Variants in TRIM2 observed in about 807,000 individuals in gnomAD.
TRIM2 encodes the protein tripartite motif-containing protein 2.
Under a neutral mutation model 75.2 loss-of-function variants are expected in TRIM2, and 20 were observed. The observed-to-expected ratio is 0.27, with a 90% CI of 0.19 to 0.39. TRIM2 has a LOEUF of 0.39. Ranked by LOEUF, TRIM2 falls within the 10% of genes least tolerant of loss-of-function variation. TRIM2 has a pLI of 1.00. For synonymous variants in TRIM2, 373 were observed against 388.3 expected (o/e 0.96, Z 0.46); for missense variants, 660 against 990.8 (o/e 0.67, Z 4.48).
chr4:153,254,809 T>C (rs1417528026), intron 1 of TRIM2, among the ~76,000 whole-genome samples: 1 of 152,258 alleles, frequency 6.6e-6, no homozygotes. Flanking sequence ...TAAGCCATTG[T>C]GGTGAGGGTG....
intron 3 of TRIM2, among the ~76,000 whole-genome samples, chr4:153,276,481 GTTAA>G (rs1216497860): frequency 2.0e-5 from 3 of 152,190 alleles, no homozygotes; most frequent in African/African-American, 4.8e-5. Flanking sequence ...TTATTAAAAT[GTTAA>G]TTAGAGTTCT....
At chr4:153,188,928 C>T (rs1219126229) in intron 1 of TRIM2, among the ~76,000 whole-genome samples, 1 of 152,028 alleles carries the variant, frequency 6.6e-6, no homozygotes, top group Non-Finnish European at 1.5e-5. Flanking sequence ...ATAACCTGGC[C>T]CCTGCTTACC....
rs527496946 is a variant in TRIM2, at chr4:153,240,582, C to T, written c.31-29753C>T. ...ATTATCAGTAGAAGGTTACTACCTA[C>T]GCTTCTAGGGCTCTCCAGATTTTAA... On this transcript the variant is annotated intron_variant, in intron 1 of 11. Transcript: ENST00000338700. Among the ~76,000 whole-genome samples, 373 of 152,304 alleles carry T rather than the reference C, an allele frequency of 2.4e-3. 3 individuals are homozygous for T. The highest frequency in any genetic ancestry group is 8.7e-3 in the African/African-American group (363 of 41,560).
At chr4:153,182,953 G>C (rs58163800) in intron 1 of TRIM2, among the ~76,000 whole-genome samples, 1 of 151,974 alleles carries the variant, frequency 6.6e-6, no homozygotes, top group Non-Finnish European at 1.5e-5. Context: ...GACCTTATTT[G>C]TTTATTGTCT....
chr4:153,269,204 C>A (rs1388982230), intron 1 of TRIM2, among the ~76,000 whole-genome samples: 1 of 152,164 alleles, frequency 6.6e-6, no homozygotes, highest in African/African-American at 2.4e-5. Flanking sequence ...GGCTTCACAA[C>A]CTCCTCTTTG....
intron 1 of TRIM2, among the ~76,000 whole-genome samples, chr4:153,193,426 T>C (rs991713024): frequency 2.0e-5 from 3 of 152,180 alleles, no homozygotes; most frequent in Admixed American, 1.3e-4. Flanking sequence ...CCACCGCGCC[T>C]GGCCCATGAA....
chr4:153,218,224 T>C (rs1739016580), intron 1 of TRIM2, among the ~76,000 whole-genome samples: 1 of 152,222 alleles, frequency 6.6e-6, no homozygotes, highest in Non-Finnish European at 1.5e-5. Flanking sequence ...GTAAATGATT[T>C]CTATTTTATG....
intron 8 of TRIM2, among the ~76,000 whole-genome samples, chr4:153,316,967 G>A (rs1579658694): frequency 8.0e-6 from 1 of 125,768 alleles, no homozygotes; most frequent in African/African-American, 3.0e-5. Context: ...TGCAAGCTCT[G>A]CCTCCCAGGT....
chr4:153,275,432 A>G (rs544857861), intron 2 of TRIM2, among the ~76,000 whole-genome samples: 1 of 152,316 alleles, frequency 6.6e-6, no homozygotes, highest in Admixed American at 6.5e-5. Context: ...ATTGCTAACA[A>G]AAATATTTGA....
At chr4:153,286,234 A>C (rs1472593329) in intron 3 of TRIM2, among the ~76,000 whole-genome samples, 1 of 152,094 alleles carries the variant, frequency 6.6e-6, no homozygotes, top group Non-Finnish European at 1.5e-5. Flanking sequence ...GTTTGCTAGC[A>C]TTTTATTAAG....
At chr4:153,324,534 CTG>C (rs1430756964) in intron 10 of TRIM2, 2 of 217,870 alleles carry the variant, frequency 9.2e-6, no homozygotes, top group East Asian at 3.2e-4. Flanking sequence ...ATGTTCGACT[CTG>C]TTACAACAAC....
chr4:153,205,948 C>T (rs556742148), intron 1 of TRIM2, among the ~76,000 whole-genome samples: 17 of 152,282 alleles, frequency 1.1e-4, no homozygotes, highest in Admixed American at 8.5e-4. Context: ...AGTCACCCCA[C>T]GAGGAGGTCC....
chr4:153,233,121 G>A (rs762125251), intron 1 of TRIM2, among the ~76,000 whole-genome samples: 9 of 152,188 alleles, frequency 5.9e-5, no homozygotes, highest in African/African-American at 1.2e-4. Flanking sequence ...GCAAATTCCC[G>A]GAGTTAGAAG....
At chr4:153,313,879 C>T (rs1417831801) in intron 6 of TRIM2, among the ~76,000 whole-genome samples, 3 of 152,180 alleles carry the variant, frequency 2.0e-5, no homozygotes, top group Admixed American at 6.5e-5. Flanking sequence ...TCAGGTAATT[C>T]GTCCATCTCG....
At chr4:153,210,892 T>C (rs923282672) in intron 1 of TRIM2, among the ~76,000 whole-genome samples, 2 of 152,092 alleles carry the variant, frequency 1.3e-5, no homozygotes, top group Non-Finnish European at 2.9e-5. Flanking sequence ...CAAGGAAGGA[T>C]AGTGACAAGA....
At chr4:153,319,951 C>T (rs1768566756) in intron 8 of TRIM2, among the ~76,000 whole-genome samples, 1 of 152,018 alleles carries the variant, frequency 6.6e-6, no homozygotes, top group Non-Finnish European at 1.5e-5. Context: ...ATGGAAGTAA[C>T]CCTTTATTTT....
intron 10 of TRIM2, among the ~76,000 whole-genome samples, chr4:153,326,760 C>T (rs572206455): frequency 8.5e-5 from 13 of 152,284 alleles, no homozygotes; most frequent in Non-Finnish European, 1.5e-4. Flanking sequence ...GCGGACAGCT[C>T]ACCTGAGGTC....
intron 1 of TRIM2, among the ~76,000 whole-genome samples, chr4:153,253,896 G>T (rs1034327531): frequency 2.0e-5 from 3 of 152,186 alleles, no homozygotes; most frequent in Non-Finnish European, 4.4e-5. Context: ...GGAACCAGCA[G>T]CCCTCAGGGC....
Position 153,295,804 on chromosome 4 carries a change from G to A in TRIM2, c.1278G>A (p.Gly426=), listed in dbSNP as rs764536446. The A allele has an allele frequency of 6.2e-7, 1 of 1,614,062 alleles. No homozygotes were observed. The highest frequency in any genetic ancestry group is 8.5e-7 in the Non-Finnish European group (1 of 1,180,008). Reference sequence around the variant, plus strand: ...TTTTGTACACTGTCCAGAAGGAAGGGGACTTTACCCTGTCTCTGAGACTCT... The same window carrying A: ...TTTTGTACACTGTCCAGAAGGAAGGAGACTTTACCCTGTCTCTGAGACTCT... ...YEFLYTVQKE[G]DFTLSLRLYD... The change falls in exon 6 of 12, where the codon GGG becomes GGA. Residue 426 remains glycine, a synonymous_variant. Coordinates refer to ENST00000338700, the MANE Select transcript of TRIM2 (RefSeq NM_015271.5). The surrounding 1 kb of genome is among the most constrained non-coding windows in gnomAD (Gnocchi z 7.2).
Sources: gnomAD v4.1 joint callset for allele counts (sites outside exome capture counted in the v4.1 genomes callset) on GRCh38, gnomAD v4.1.1 for gene constraint, Gnocchi (gnomAD v3.1) non-coding constraint, MANE v1.5 for transcripts, NCBI Gene and HGNC (gene_info 2026-07-23, HGNC 2026-07-21) for gene names.